The following MPHOSPH8 variants were observed in gnomAD, a reference collection of about 807,000 sequenced individuals.
MPHOSPH8 encodes M-phase phosphoprotein, mpp.
A neutral mutation model predicts 87.3 loss-of-function variants in MPHOSPH8; 45 were observed. That is an observed-to-expected ratio of 0.52 (90% CI 0.41 to 0.66). MPHOSPH8 has a LOEUF of 0.66. Ranked by LOEUF, MPHOSPH8 falls within the 30% of genes least tolerant of loss-of-function variation. The pLI is 0.00. For missense variants in MPHOSPH8, 883 were observed against 1,020.2 expected, an observed-to-expected ratio of 0.87 and a Z score of 1.83; for synonymous variants, 366 against 376.9, an observed-to-expected ratio of 0.97 and a Z score of 0.33.
chr13:19,664,300 C>G (rs1875702269), intron 9 of MPHOSPH8, among the ~76,000 whole-genome samples: 1 of 152,130 alleles, frequency 6.6e-6, no homozygotes, highest in Admixed American at 6.6e-5. Context: ...CTGTGGTTGT[C>G]TTGTGTGGAG....
chr13:19,664,734 G>A (rs1263133491), intron 9 of MPHOSPH8, among the ~76,000 whole-genome samples: 4 of 152,064 alleles, frequency 2.6e-5, no homozygotes, highest in South Asian at 2.1e-4. Flanking sequence ...GTTGGGGCAC[G>A]GCTGGCAGAG....
intron 9 of MPHOSPH8, 26 bp from the exon 10 acceptor site, chr13:19,666,399 T>G: frequency 6.3e-7 from 1 of 1,585,584 alleles, no homozygotes. Flanking sequence ...AGCTAAGTAA[T>G]TGTTACTCCT....
chr13:19,666,418 G>A lies in MPHOSPH8; in HGVS notation c.2020-7G>A, dbSNP rs988593465. The A allele has an allele frequency of 5.0e-6, 8 of 1,600,818 alleles. No homozygotes were observed. The highest frequency in any genetic ancestry group is 6.0e-6 in the Non-Finnish European group (7 of 1,169,310). ...AAGTAATTGTTACTCCTTTTTACCTGACGTAGGCCTGTAAAAGAGGAAATT... is the reference window on the plus strand; with the variant it reads ...AAGTAATTGTTACTCCTTTTTACCTAACGTAGGCCTGTAAAAGAGGAAATT... On this transcript the variant is annotated splice_region_variant and splice_polypyrimidine_tract_variant and intron_variant, in intron 9 of 13. Transcript: ENST00000361479.
chr13:19,659,734 T>G (rs1875407192), intron 7 of MPHOSPH8: 1 of 384,132 alleles, frequency 2.6e-6, no homozygotes, highest in East Asian at 7.3e-5. Context: ...AAATGTACAA[T>G]TATAGTCCCT....
chr13:19,650,247 A>C lies in MPHOSPH8; in HGVS notation c.1563A>C (p.Ala521=). ...DQEVLDSVCQ[A]DENSDGRQQI... ...AGGTTTTAGACAGCGTGTGCCAAGCAGATGAGAATTCAGGTGAGTTTGGAA... is the reference window on the plus strand; with the variant it reads ...AGGTTTTAGACAGCGTGTGCCAAGCCGATGAGAATTCAGGTGAGTTTGGAA... The change falls in exon 5 of 14, where the codon GCA becomes GCC. Residue 521 remains alanine (A), a synonymous_variant. Transcript: ENST00000361479. 1 of 1,612,732 alleles carries C rather than the reference A, an allele frequency of 6.2e-7. No individual in the cohort carries two copies. The highest frequency in any genetic ancestry group is 8.5e-7 in the Non-Finnish European group (1 of 1,179,392).
Position 19,666,458 on chromosome 13 carries a change from CT to C in MPHOSPH8, c.2054del (p.Leu685ProfsTer2), listed in dbSNP as rs747202915. On this transcript the variant is annotated frameshift_variant, in exon 10 of 14. Transcript: ENST00000361479. LOFTEE classifies it high-confidence loss of function. ...AAGAGGAAATTCAGACATCGTACGACTCGTAATTGAATGTGGAGCTGACTGC... is the reference window on the plus strand; with the variant it reads ...AAGAGGAAATTCAGACATCGTACGACCGTAATTGAATGTGGAGCTGACTGC... The part of the protein sequence containing the change: ...CKRGNSDIVR[L>X]VIECGADCNI... The C allele has an allele frequency of 6.2e-7, 1 of 1,611,062 alleles. No individual in the cohort carries two copies. The highest frequency in any genetic ancestry group is 8.5e-7 in the Non-Finnish European group (1 of 1,177,488).
Position 19,673,125 on chromosome 13 carries a change from T to G in MPHOSPH8, c.*1250T>G. Reference sequence around the variant, plus strand: ...TTTTTTTTTTTGAAAAGCCAGACCTTGTGCCCTTGTTTTGAACACCGACTG... The same window carrying G: ...TTTTTTTTTTTGAAAAGCCAGACCTGGTGCCCTTGTTTTGAACACCGACTG... On this transcript the variant is annotated 3_prime_UTR_variant, in exon 14 of 14. Coordinates refer to ENST00000361479, the MANE Select transcript of MPHOSPH8 (RefSeq NM_017520.4). The G allele has an allele frequency of 2.2e-6, 1 of 453,772 alleles. No individual in the cohort carries two copies. Among genetic ancestry groups the G allele is most frequent in the Non-Finnish European group, 4.4e-6 (1 of 226,248 alleles). The allele number at this position is 453,772 out of a possible 1,614,324, so 28.1% of individuals were successfully genotyped here.
intron 1 of MPHOSPH8, among the ~76,000 whole-genome samples, chr13:19,640,162 A>ATCTTTG (rs1456097491): frequency 2.6e-5 from 4 of 152,154 alleles, no homozygotes; most frequent in Non-Finnish European, 4.4e-5. Context: ...ATTTCAGCTG[A>ATCTTTG]ACTACCCATT....
At chr13:19,664,317 T>C (rs1875703314) in intron 9 of MPHOSPH8, among the ~76,000 whole-genome samples, 1 of 151,584 alleles carries the variant, frequency 6.6e-6, no homozygotes, top group South Asian at 2.1e-4. Context: ...GGAGCAGAGG[T>C]GGCCTCTGCA....
In MPHOSPH8 at chr13:19,646,787, A is replaced by G. The variant is rs1268716196; in HGVS notation, c.714A>G (p.Leu238=). 1 of 1,579,842 alleles carries G rather than the reference A, an allele frequency of 6.3e-7. No individual in the cohort carries two copies. Among genetic ancestry groups the G allele is most frequent in the Non-Finnish European group, 8.6e-7 (1 of 1,167,678 alleles). The change falls in exon 3 of 14, where the codon TTA becomes TTG. Residue 238 remains leucine, a synonymous_variant. Coordinates refer to ENST00000361479, the MANE Select transcript of MPHOSPH8 (RefSeq NM_017520.4). ...TTAAAAAGGGTGAAATAAGAGATTTAAAGACGAAAACAAGAGAAGATCCCA... is the reference window on the plus strand; with the variant it reads ...TTAAAAAGGGTGAAATAAGAGATTTGAAGACGAAAACAAGAGAAGATCCCA... ...KKVKKGEIRD[L]KTKTREDPKE...
chr13:19,643,198 G>A (rs1048016988), intron 2 of MPHOSPH8, among the ~76,000 whole-genome samples: 22 of 152,102 alleles, frequency 1.4e-4, no homozygotes, highest in South Asian at 2.1e-4. Flanking sequence ...TATTTTCTGC[G>A]CTTGATCTGT....
chr13:19,664,989 T>C (rs147328572), intron 9 of MPHOSPH8, among the ~76,000 whole-genome samples: 1 of 152,210 alleles, frequency 6.6e-6, no homozygotes, highest in Non-Finnish European at 1.5e-5. Flanking sequence ...GTCCACGGGC[T>C]GGCAGCACCT....
chr13:19,650,020 A>C lies in MPHOSPH8; in HGVS notation c.1336A>C (p.Asn446His). Residue 446 changes from asparagine to histidine, a missense_variant, in exon 5 of 14, where the codon AAT (asparagine) becomes CAT (histidine). Asn to His is a moderately conservative substitution (Grantham distance 68, BLOSUM62 1). Around this residue, in one of 3 missense-constraint regions of MPHOSPH8, gnomAD observed 741 missense variants for 841.5 expected, o/e 0.88. Coordinates refer to ENST00000361479, the MANE Select transcript of MPHOSPH8 (RefSeq NM_017520.4). Reference protein sequence around the residue: ...KGLKTLKEIRNAFDLFKLTPE... With the variant: ...KGLKTLKEIRHAFDLFKLTPE... ...TTCGTTAGCACTTAAGGAAATCAGA[A>C]ATGCATTTGATTTATTTAAATTAAC... The C allele has an allele frequency of 6.3e-7, 1 of 1,591,160 alleles. No homozygotes were observed. Among genetic ancestry groups the C allele is most frequent in the Non-Finnish European group, 8.6e-7 (1 of 1,168,682 alleles).
chr13:19,668,790 T>C (rs1016467288), intron 11 of MPHOSPH8, among the ~76,000 whole-genome samples: 1 of 149,510 alleles, frequency 6.7e-6, no homozygotes, highest in African/African-American at 2.5e-5. Context: ...TTATTAAAAT[T>C]CAGCGTCAAG....
In MPHOSPH8 at chr13:19,663,029, T is replaced by G; in HGVS notation, c.1933-11T>G. On this transcript the variant is annotated splice_polypyrimidine_tract_variant and intron_variant, in intron 8 of 13. Transcript: ENST00000361479. ...TTGGGAAATTAAATTTGCCTTTTTTTCTTTTCATAGAACTTTTTAACAACA... is the reference window on the plus strand; with the variant it reads ...TTGGGAAATTAAATTTGCCTTTTTTGCTTTTCATAGAACTTTTTAACAACA... The G allele has an allele frequency of 2.5e-6, 4 of 1,595,842 alleles. No homozygotes were observed. The highest frequency in any genetic ancestry group is 3.4e-6 in the Non-Finnish European group (4 of 1,169,450).
At chr13:19,665,643 C>T (rs940193935) in intron 9 of MPHOSPH8, among the ~76,000 whole-genome samples, 1 of 152,198 alleles carries the variant, frequency 6.6e-6, no homozygotes, top group South Asian at 2.1e-4. Flanking sequence ...GGTAGTGTGG[C>T]GGCTCCTCCT....
intron 11 of MPHOSPH8, 102 bp from the exon 12 acceptor site, chr13:19,670,134 G>T: frequency 7.1e-7 from 1 of 1,415,304 alleles, no homozygotes; most frequent in Non-Finnish European, 9.8e-7. Flanking sequence ...ATGCCTGTCT[G>T]ACCAGGCCCA....
intron 5 of MPHOSPH8, among the ~76,000 whole-genome samples, chr13:19,651,585 A>G (rs192246592): frequency 2.2e-4 from 34 of 151,790 alleles, no homozygotes; most frequent in African/African-American, 8.2e-4. Context: ...AGTCACAGCT[A>G]CTCTGGAGGC....
intron 7 of MPHOSPH8, 34 bp downstream of exon 7, chr13:19,659,323 A>C: frequency 6.9e-7 from 1 of 1,450,522 alleles, no homozygotes; most frequent in Non-Finnish European, 9.5e-7. Context: ...ATGAAAGGAA[A>C]ATGGAAAGTA....
Sources: gnomAD v4.1 joint callset for allele counts (sites outside exome capture counted in the v4.1 genomes callset) on GRCh38, gnomAD v4.1.1 for gene constraint, gnomAD v4.1.1 regional missense constraint, MANE v1.5 for transcripts, NCBI Gene and HGNC (gene_info 2026-07-23, HGNC 2026-07-21) for gene names.